The following PSMG2 variants were observed in gnomAD, a reference collection of about 807,000 sequenced individuals.
The protein encoded by PSMG2 is proteasome assembly chaperone 2, also known as CD40 ligand-activated specific transcript 3.
In PSMG2, 21 loss-of-function variants were observed where a neutral mutation model predicts 31.5. The observed-to-expected ratio is 0.67, with a 90% CI of 0.47 to 0.96. The LOEUF is 0.96. Ranked by LOEUF, PSMG2 falls within the 40% of genes least tolerant of loss-of-function variation. The pLI is 0.00. For missense variants in PSMG2, 318 were observed against 321.2 expected (o/e 0.99, Z 0.08); for synonymous variants, 120 against 110.4 (o/e 1.09, Z -0.54).
chr18:12,692,410 G>C (rs967928937), intron 1 of PSMG2: 1 of 151,544 alleles, frequency 6.6e-6, no homozygotes, highest in Non-Finnish European at 1.5e-5. Flanking sequence ...ACTCTGGCCC[G>C]ACTATCTCAT....
chr18:12,662,538 G>C (rs2038714379), intron 1 of PSMG2, among the ~76,000 whole-genome samples: 1 of 152,340 alleles, frequency 6.6e-6, no homozygotes, highest in South Asian at 2.1e-4. Context: ...CACTTTGGGA[G>C]GCTGAGGCAG....
intron 1 of PSMG2, among the ~76,000 whole-genome samples, chr18:12,668,769 T>G (rs28820339): frequency 2.4e-5 from 3 of 126,632 alleles, no homozygotes; most frequent in Non-Finnish European, 4.9e-5. Flanking sequence ...GACAGAGTCT[T>G]GCTCTGTCAC....
chr18:12,668,102 G>A (rs903279931), intron 1 of PSMG2, among the ~76,000 whole-genome samples: 2 of 151,546 alleles, frequency 1.3e-5, no homozygotes, highest in African/African-American at 4.8e-5. Context: ...CTGTCCCTAC[G>A]AAAAATACAA....
chr18:12,685,842 G>A (rs999434659), intron 1 of PSMG2: 10 of 154,150 alleles, frequency 6.5e-5, no homozygotes, highest in African/African-American at 2.2e-4. Flanking sequence ...ATGTTGCCCA[G>A]ACTGGTCTTG....
intron 4 of PSMG2, among the ~76,000 whole-genome samples, chr18:12,719,961 C>T (rs1467723367): frequency 6.6e-6 from 1 of 151,734 alleles, no homozygotes; most frequent in Non-Finnish European, 1.5e-5. Context: ...AGGTGATTTG[C>T]CTGCCTGGGC....
At chr18:12,666,503 A>C (rs116882881) in intron 1 of PSMG2, among the ~76,000 whole-genome samples, 1 of 147,944 alleles carries the variant, frequency 6.8e-6, no homozygotes, top group Non-Finnish European at 1.5e-5. Flanking sequence ...GCATTGTGCA[A>C]TCATGGCTCA....
intron 1 of PSMG2, among the ~76,000 whole-genome samples, chr18:12,693,740 G>A (rs539062008): frequency 2.6e-5 from 4 of 151,888 alleles, no homozygotes; most frequent in African/African-American, 9.7e-5. Context: ...CCAAGATTGC[G>A]CCACTGCACT....
intron 1 of PSMG2, among the ~76,000 whole-genome samples, chr18:12,683,096 A>G (rs904441669): frequency 1.3e-5 from 2 of 150,894 alleles, no homozygotes; most frequent in Admixed American, 6.7e-5. Flanking sequence ...CTGTAATCTC[A>G]GCACTTTGGG....
intron 4 of PSMG2, 65 bp from the exon 5 acceptor site, chr18:12,720,444 AT>A: frequency 7.5e-7 from 1 of 1,327,690 alleles, no homozygotes. Flanking sequence ...GACCAAGAGA[AT>A]TTTAGCTAAA....
chr18:12,676,078 A>C (rs1486961383), intron 1 of PSMG2, among the ~76,000 whole-genome samples: 2 of 152,156 alleles, frequency 1.3e-5, no homozygotes, highest in African/African-American at 4.8e-5. Context: ...TATTTTGATT[A>C]TCATAATGGA....
At chr18:12,686,393 G>A (rs181866298) in intron 1 of PSMG2, 48 of 1,613,814 alleles carry the variant, frequency 3.0e-5, no homozygotes, top group African/African-American at 2.1e-4. Flanking sequence ...TCAAGAAGCC[G>A]TCCAGCTCGA....
intron 1 of PSMG2, among the ~76,000 whole-genome samples, chr18:12,682,191 G>A (rs185923872): frequency 6.6e-6 from 1 of 151,858 alleles, no homozygotes; most frequent in Non-Finnish European, 1.5e-5. Context: ...TTGAGATAGG[G>A]TCTAGTTCTG....
In PSMG2 at chr18:12,678,411, G is replaced by C. The variant is rs759114067; in HGVS notation, c.-37+19638G>C. On this transcript the variant is annotated intron_variant, in intron 1 of 6. Coordinates refer to the PSMG2 transcript ENST00000585331. ...GGTTTGGGCTGTTCAGCAACTGGAGGTTCATCAGGATTGGTAGGTTTATGG... is the reference window on the plus strand; with the variant it reads ...GGTTTGGGCTGTTCAGCAACTGGAGCTTCATCAGGATTGGTAGGTTTATGG... 1.9e-6 allele frequency: 3 copies of C among 1,613,262 alleles called. No individual in the cohort carries two copies. In the African/African-American group the frequency reaches 4.0e-5, roughly 22 times the overall value.
chr18:12,698,328 G>A (rs111448774), upstream of PSMG2, among the ~76,000 whole-genome samples: 2 of 151,896 alleles, frequency 1.3e-5, no homozygotes, highest in African/African-American at 2.4e-5. Flanking sequence ...CACCATGCCC[G>A]GCTAGAAATT....
intron 5 of PSMG2, chr18:12,724,008 G>A (rs1050287132): frequency 2.0e-5 from 3 of 152,482 alleles, no homozygotes; most frequent in African/African-American, 7.2e-5. Flanking sequence ...TACAGGGATT[G>A]TCATAAAATT....
At chr18:12,672,666 C>T (rs2031823047) in intron 1 of PSMG2, 2 of 981,272 alleles carry the variant, frequency 2.0e-6, no homozygotes, top group Non-Finnish European at 2.4e-6. Context: ...AGTATCATAA[C>T]AAAGAGGTAT....
chr18:12,696,466 G>A (rs1257240549), intron 1 of PSMG2, among the ~76,000 whole-genome samples: 1 of 152,014 alleles, frequency 6.6e-6, no homozygotes, highest in Non-Finnish European at 1.5e-5. Context: ...TTGCAGCACT[G>A]CACTCCAGCC....
At chr18:12,695,396 T>A in intron 1 of PSMG2, 1 of 937,328 alleles carries the variant, frequency 1.1e-6, no homozygotes, top group African/African-American at 1.7e-5. Context: ...CAATACTATA[T>A]ATATTTAGTC....
chr18:12,697,951 C>G (rs1195604947), intron 1 of PSMG2, among the ~76,000 whole-genome samples: 1 of 151,946 alleles, frequency 6.6e-6, no homozygotes, highest in Non-Finnish European at 1.5e-5. Flanking sequence ...TGAAACTTTG[C>G]TTAGTTTACA....
Sources: allele counts gnomAD v4.1 joint callset (sites outside exome capture counted in the v4.1 genomes callset), GRCh38; gene constraint gnomAD v4.1.1; transcripts MANE v1.5; gene names NCBI Gene and HGNC (gene_info 2026-07-23, HGNC 2026-07-21).